Variants in NRBP1 observed in about 807,000 individuals in gnomAD.
NRBP1 encodes nuclear receptor binding protein 1.
Under a neutral mutation model 76.0 loss-of-function variants are expected in NRBP1, and 10 were observed. The observed-to-expected ratio is 0.13, with a 90% CI of 0.08 to 0.22. NRBP1 has a LOEUF of 0.22. NRBP1 is among the 10% of genes least tolerant of loss of function. The pLI, the probability that NRBP1 is intolerant of heterozygous loss-of-function variation, is 1.00. For missense variants in NRBP1, 344 were observed against 646.0 expected (o/e 0.53, Z 5.07); for synonymous variants, 235 against 240.2 (o/e 0.98, Z 0.20).
chr2:27,433,215 C>T, intron 1 of NRBP1, 39 bp from the exon 2 acceptor site: 1 of 1,419,450 alleles, frequency 7.0e-7, no homozygotes, highest in East Asian at 2.3e-5. Context: ...TCCTGACTTT[C>T]TCTGCCTTTT....
Position 27,436,581 on chromosome 2 carries a change from G to A in NRBP1, c.662-172G>A, listed in dbSNP as rs980138789. The A allele has an allele frequency of 5.0e-6, 3 of 599,556 alleles. No homozygotes were observed. The African/African-American group carries it at 5.6e-5, about 11-fold the overall frequency. 37.1% of individuals were successfully genotyped at this position (599,556 alleles called of 1,614,324 possible). The stretch of plus-strand genomic sequence containing the variant: ...TAGGCCTAAGAAAGGGGAGGTAGGT[G>A]GCATCCATGTGTGGTCTGTAGTTCA... On this transcript the variant is annotated intron_variant, in intron 7 of 17. Coordinates refer to ENST00000379852, the MANE Select transcript of NRBP1 (RefSeq NM_013392.4).
intron 7 of NRBP1, 54 bp downstream of exon 7, chr2:27,435,281 G>T: frequency 2.0e-6 from 3 of 1,490,752 alleles, no homozygotes; most frequent in Non-Finnish European, 2.8e-6. Flanking sequence ...TGGGAACCAT[G>T]GGGGTAAGAT....
chr2:27,441,651 C>CT, intron 17 of NRBP1, 29 bp downstream of exon 17: 1 of 1,613,566 alleles, frequency 6.2e-7, no homozygotes, highest in Non-Finnish European at 8.5e-7. Context: ...TCTGCCCTGG[C>CT]TGCCCCCATG....
chr2:27,432,648 T>C (rs1397752772), intron 1 of NRBP1, among the ~76,000 whole-genome samples: 1 of 152,166 alleles, frequency 6.6e-6, no homozygotes, highest in Non-Finnish European at 1.5e-5. Flanking sequence ...TGATCATAGC[T>C]CACTGCAGCC....
At chr2:27,438,506 A>G (rs1664402767) in intron 10 of NRBP1, among the ~76,000 whole-genome samples, 1 of 152,224 alleles carries the variant, frequency 6.6e-6, no homozygotes, top group Non-Finnish European at 1.5e-5. Context: ...CAGGAGAGAA[A>G]AGAAGACTAG....
rs1408718899 is a variant in NRBP1, at chr2:27,441,870, C to G, written c.*58C>G. ...TGGCTGTCCCTGGACGTGCTGCAGC[C>G]CTCCTGTCCCTTCCCCCCAGTCAGT... is the stretch of plus-strand genomic sequence containing the variant. On this transcript the variant is annotated 3_prime_UTR_variant, in exon 18 of 18. Transcript: ENST00000379852. 1 of 989,700 alleles carries G rather than the reference C, an allele frequency of 1.0e-6. No individual in the cohort carries two copies. Among genetic ancestry groups the G allele is most frequent in the African/African-American group, 1.6e-5 (1 of 62,366 alleles). 61.3% of individuals were successfully genotyped at this position (989,700 alleles called of 1,614,324 possible).
intron 1 of NRBP1, among the ~76,000 whole-genome samples, chr2:27,431,499 A>G (rs1664114061): frequency 6.6e-6 from 1 of 152,212 alleles, no homozygotes; most frequent in Non-Finnish European, 1.5e-5. Flanking sequence ...TTGGCCCACA[A>G]TAAATGCTTA....
chr2:27,430,848 T>C (rs1245117801), intron 1 of NRBP1, among the ~76,000 whole-genome samples: 1 of 152,202 alleles, frequency 6.6e-6, no homozygotes, highest in Non-Finnish European at 1.5e-5. Context: ...CTTAGAGATA[T>C]GAAATAACAT....
intron 1 of NRBP1, chr2:27,431,971 C>T (rs1168480569): frequency 6.6e-6 from 1 of 152,296 alleles, no homozygotes; most frequent in East Asian, 1.9e-4. Context: ...GCCTCAGCCT[C>T]CTGAGTAGCT....
At chr2:27,438,818 G>T (rs917697547) in intron 10 of NRBP1, among the ~76,000 whole-genome samples, 1 of 152,094 alleles carries the variant, frequency 6.6e-6, no homozygotes, top group Non-Finnish European at 1.5e-5. Context: ...AATTATCTGG[G>T]TATGGTGGCA....
intron 1 of NRBP1, among the ~76,000 whole-genome samples, chr2:27,429,564 A>G (rs1664022086): frequency 6.6e-6 from 1 of 152,182 alleles, no homozygotes; most frequent in African/African-American, 2.4e-5. Context: ...GAGCTTTTCC[A>G]TGTGTTATCT....
At chr2:27,428,994 G>A (rs1449405068) in intron 1 of NRBP1, among the ~76,000 whole-genome samples, 1 of 151,568 alleles carries the variant, frequency 6.6e-6, no homozygotes, top group Non-Finnish European at 1.5e-5. Flanking sequence ...GGGAGGCCCT[G>A]GCGTTCGCTT....
At position 27,438,532 on chromosome 2, in the gene NRBP1, A is replaced by G. The variant is rs1193527644; in HGVS notation, c.903+1172A>G. 3.3e-5 allele frequency among the ~76,000 whole-genome samples: 5 copies of G among 152,366 alleles called. No individual in the cohort carries two copies. In the East Asian group the frequency reaches 9.6e-4, roughly 29 times the overall value. On this transcript the variant is annotated intron_variant, in intron 10 of 17. Coordinates refer to ENST00000379852, the MANE Select transcript of NRBP1 (RefSeq NM_013392.4). ...AGAAGACTAGTGGGAAGTCAGGAGG[A>G]TAGTGTGGAGTAAGTTTCTACTTCA...
At position 27,439,304 on chromosome 2, in the gene NRBP1, G is replaced by T. The variant is rs1381755938; in HGVS notation, c.904-462G>T. On this transcript the variant is annotated intron_variant, in intron 10 of 17. Coordinates refer to ENST00000379852, the MANE Select transcript of NRBP1 (RefSeq NM_013392.4). Reference sequence around the variant, plus strand: ...AGATTGAGACCATCCTGGCTAACATGGTGAAACCGTCTCTACTGAAAATAC... The same window carrying T: ...AGATTGAGACCATCCTGGCTAACATTGTGAAACCGTCTCTACTGAAAATAC... Among the ~76,000 whole-genome samples, 7 of 152,022 alleles carry T rather than the reference G, an allele frequency of 4.6e-5. No individual in the cohort carries two copies. In the East Asian group the frequency reaches 1.4e-3, roughly 29 times the overall value.
intron 10 of NRBP1, 37 bp downstream of exon 10, chr2:27,437,397 C>A (rs1558337444): frequency 1.4e-6 from 2 of 1,444,300 alleles, no homozygotes; most frequent in South Asian, 1.2e-5. Flanking sequence ...CTCAACTGAC[C>A]TTCAAATGTC....
rs1189713638 is a variant in NRBP1, at chr2:27,442,054, C to G, written c.*242C>G. ...GGGCCTGGGCCTTCTCAGCAGCCGCCTTCTAGTTGGGGGCTAGTCGCTGAT... is the reference window on the plus strand; with the variant it reads ...GGGCCTGGGCCTTCTCAGCAGCCGCGTTCTAGTTGGGGGCTAGTCGCTGAT... On this transcript the variant is annotated 3_prime_UTR_variant, in exon 18 of 18. Coordinates refer to ENST00000379852, the MANE Select transcript of NRBP1 (RefSeq NM_013392.4). 2 of 536,718 alleles carry G rather than the reference C, an allele frequency of 3.7e-6. No homozygotes were observed. The highest frequency in any genetic ancestry group is 3.1e-5 in the East Asian group (1 of 32,514). 33.2% of individuals were successfully genotyped at this position (536,718 alleles called of 1,614,324 possible).
chr2:27,434,437 A>C (rs377007524), intron 4 of NRBP1, 34 bp from the exon 5 acceptor site: 46 of 1,391,930 alleles, frequency 3.3e-5, no homozygotes, highest in African/African-American at 2.6e-4. Context: ...CATTTCTACT[A>C]TAAGGCCTTT....
intron 1 of NRBP1, among the ~76,000 whole-genome samples, 176 bp downstream of exon 1, chr2:27,428,907 G>T (rs946164695): frequency 3.3e-5 from 5 of 152,056 alleles, no homozygotes; most frequent in African/African-American, 9.7e-5. Flanking sequence ...GGCCGCTTCG[G>T]CCCCGCAGTC....
intron 1 of NRBP1, among the ~76,000 whole-genome samples, chr2:27,432,620 G>A (rs546862574): frequency 6.6e-6 from 1 of 152,114 alleles, no homozygotes; most frequent in East Asian, 1.9e-4. Flanking sequence ...GTCTCCCTCT[G>A]TTGCCTAGCC....
Sources: gnomAD v4.1 joint callset for allele counts (sites outside exome capture counted in the v4.1 genomes callset) on GRCh38, gnomAD v4.1.1 for gene constraint, MANE v1.5 for transcripts, NCBI Gene and HGNC (gene_info 2026-07-23, HGNC 2026-07-21) for gene names.